SP100: variants seen among roughly 807,000 people sequenced by gnomAD.
SP100 encodes SP100 nuclear body protein, also known as nuclear autoantigen Sp-100.
SP100 carries 84 observed loss-of-function variants against 130.0 expected under a neutral mutation model. That is an observed-to-expected ratio of 0.65 (90% CI 0.54 to 0.77). SP100 has a LOEUF of 0.77. Ranked by LOEUF, SP100 falls within the 30% of genes least tolerant of loss-of-function variation. SP100 has a pLI of 0.00. For synonymous variants in SP100, 331 were observed against 351.7 expected, an observed-to-expected ratio of 0.94 and a Z score of 0.66; for missense variants, 978 against 1,052.2, an observed-to-expected ratio of 0.93 and a Z score of 0.97.
At chr2:230,449,054 T>C (rs2063840272) in intron 5 of SP100, 34 bp from the exon 6 acceptor site, 1 of 1,340,088 alleles carries the variant, frequency 7.5e-7, no homozygotes, top group South Asian at 1.2e-5. Flanking sequence ...CATACCTCGA[T>C]TTCTGAAATA....
At chr2:230,519,925 C>T (rs978871377) in intron 24 of SP100, among the ~76,000 whole-genome samples, 3 of 152,186 alleles carry the variant, frequency 2.0e-5, no homozygotes, top group Non-Finnish European at 4.4e-5. Flanking sequence ...CTAAGTGTTA[C>T]ACATCAAACC....
At chr2:230,524,866 G>A (rs1384410699) in intron 24 of SP100, among the ~76,000 whole-genome samples, 2 of 152,168 alleles carry the variant, frequency 1.3e-5, no homozygotes, top group Admixed American at 1.3e-4. Context: ...AAGAATTCTA[G>A]TTAATATGTA....
intron 13 of SP100, 101 bp from the exon 14 acceptor site, chr2:230,468,942 A>C: frequency 1.5e-6 from 1 of 672,956 alleles, no homozygotes; most frequent in African/African-American, 1.8e-5. Context: ...TGATCCTCAT[A>C]GAATATTTAT....
chr2:230,445,152 AC>A (rs929226825), intron 4 of SP100, among the ~76,000 whole-genome samples: 33 of 152,300 alleles, frequency 2.2e-4, no homozygotes, highest in African/African-American at 7.9e-4. Context: ...TTCATTCTTG[AC>A]CTTTTTCCTG....
At chr2:230,531,565 T>C (rs1575813525) in intron 24 of SP100, among the ~76,000 whole-genome samples, 1 of 152,088 alleles carries the variant, frequency 6.6e-6, no homozygotes, top group East Asian at 1.9e-4. Context: ...GAAAAATAAA[T>C]TAATTAATTT....
At chr2:230,442,907 C>G (rs762795848) in intron 2 of SP100, 30 bp from the exon 3 acceptor site, 1 of 1,599,184 alleles carries the variant, frequency 6.3e-7, no homozygotes, top group East Asian at 2.2e-5. Context: ...ATCTTGATGA[C>G]CATTTTCACA....
chr2:230,433,868 G>A lies in SP100; in HGVS notation c.108-9069G>A, dbSNP rs2063170602. On this transcript the variant is annotated intron_variant, in intron 2 of 28. Coordinates refer to ENST00000340126, the MANE Select transcript of SP100 (RefSeq NM_001080391.2). ...CTAATATTGAGTCATAGACTTTTGA[G>A]TAAGTATATTTAATAACCCCATAAC... 4.0e-5 allele frequency among the ~76,000 whole-genome samples: 6 copies of A among 148,332 alleles called. No homozygotes were observed. In the South Asian group the frequency reaches 1.3e-3, roughly 33 times the overall value.
intron 8 of SP100, among the ~76,000 whole-genome samples, chr2:230,454,117 A>G (rs979561778): frequency 4.6e-5 from 7 of 152,206 alleles, no homozygotes; most frequent in Middle Eastern, 3.4e-3. Flanking sequence ...TTCTTTGTAT[A>G]TATGTGGTAT....
At chr2:230,468,993 A>G (rs1412794653) in intron 13 of SP100, 50 bp from the exon 14 acceptor site, 1 of 1,146,866 alleles carries the variant, frequency 8.7e-7, no homozygotes, top group South Asian at 1.3e-5. Context: ...CATAAGATTT[A>G]TAGATCTTTT....
chr2:230,529,186 CT>C (rs1691578520), intron 24 of SP100, among the ~76,000 whole-genome samples: 1 of 152,190 alleles, frequency 6.6e-6, no homozygotes, highest in Admixed American at 6.5e-5. Flanking sequence ...CAAAAAAATA[CT>C]GGTAAACCAA....
At position 230,470,085 on chromosome 2, in the gene SP100, A is replaced by G; in HGVS notation, c.1416A>G (p.Leu472=). Residue 472 remains leucine, a synonymous_variant, in exon 15 of 29, where the codon CTA becomes CTG. Coordinates refer to ENST00000340126, the MANE Select transcript of SP100 (RefSeq NM_001080391.2). ...TTCAGGAAACCTGCAGCTCATCCCTAAGAAGAGGGTCAGGTAAAGAAGATT... is the reference window on the plus strand; with the variant it reads ...TTCAGGAAACCTGCAGCTCATCCCTGAGAAGAGGGTCAGGTAAAGAAGATT... ...EELQETCSSS[L]RRGSGSQPQE... 1 of 1,609,086 alleles carries G rather than the reference A, an allele frequency of 6.2e-7. No individual in the cohort carries two copies. The highest frequency in any genetic ancestry group is 8.5e-7 in the Non-Finnish European group (1 of 1,177,390).
At chr2:230,471,308 G>A (rs551707002) in intron 15 of SP100, among the ~76,000 whole-genome samples, 78 of 152,286 alleles carry the variant, frequency 5.1e-4, no homozygotes, top group Non-Finnish European at 7.5e-4. Context: ...AGGGCTATGA[G>A]GTGTACTCAT....
chr2:230,438,691 G>GGT (rs2149893010), intron 2 of SP100, among the ~76,000 whole-genome samples: 1 of 123,940 alleles, frequency 8.1e-6, no homozygotes, highest in South Asian at 2.5e-4. Context: ...ACACACATAT[G>GGT]GTATATATAT....
intron 2 of SP100, among the ~76,000 whole-genome samples, chr2:230,438,929 C>A (rs1023017390): frequency 6.6e-6 from 1 of 152,112 alleles, no homozygotes; most frequent in African/African-American, 2.4e-5. Context: ...AATCTTTATA[C>A]TGTTTTCCAC....
chr2:230,454,373 A>G (rs2064163532), intron 8 of SP100, among the ~76,000 whole-genome samples: 1 of 151,826 alleles, frequency 6.6e-6, no homozygotes, highest in Non-Finnish European at 1.5e-5. Flanking sequence ...GAGGTGTAAC[A>G]TTAGGTTGTT....
chr2:230,422,930 C>T (rs1483322676), intron 2 of SP100, among the ~76,000 whole-genome samples: 2 of 152,160 alleles, frequency 1.3e-5, no homozygotes, highest in Non-Finnish European at 2.9e-5. Context: ...CTACAATTTT[C>T]ATTTCTTATT....
chr2:230,454,748 G>T (rs866751352), intron 8 of SP100, among the ~76,000 whole-genome samples: 1 of 152,038 alleles, frequency 6.6e-6, no homozygotes, highest in Middle Eastern at 3.2e-3. Context: ...TGAGAAGAAT[G>T]GTACTTTTCT....
At chr2:230,428,851 C>T (rs1352584072) in intron 2 of SP100, among the ~76,000 whole-genome samples, 2 of 152,196 alleles carry the variant, frequency 1.3e-5, no homozygotes, top group African/African-American at 2.4e-5. Context: ...GGGCCCTCCC[C>T]CAACACTGGG....
intron 17 of SP100, among the ~76,000 whole-genome samples, chr2:230,483,749 C>T (rs1334806769): frequency 6.6e-6 from 1 of 152,134 alleles, no homozygotes; most frequent in Non-Finnish European, 1.5e-5. Flanking sequence ...TTCATATACA[C>T]ATATACAGTC....
Sources: allele counts gnomAD v4.1 joint callset (sites outside exome capture counted in the v4.1 genomes callset), GRCh38; gene constraint gnomAD v4.1.1; transcripts MANE v1.5; gene names NCBI Gene and HGNC (gene_info 2026-07-23, HGNC 2026-07-21).